Variants in SNX6 observed in about 807,000 individuals in gnomAD.
The protein encoded by SNX6 is sorting nexin 6, also known as sorting nexin-6.
A neutral mutation model predicts 63.0 loss-of-function variants in SNX6; 34 were observed. That is an observed-to-expected ratio of 0.54 (90% CI 0.41 to 0.72). The LOEUF is 0.72. SNX6 is among the 30% of genes least tolerant of loss of function. The probability of loss-of-function intolerance (pLI) is 0.00; values close to 1 mark genes in which losing one functional copy is unlikely to be tolerated. For synonymous variants in SNX6, 170 were observed against 164.2 expected (o/e 1.04, Z -0.27); for missense variants, 398 against 471.4 (o/e 0.84, Z 1.44).
chr14:34,605,339 T>C, intron 5 of SNX6: 3 of 241,836 alleles, frequency 1.2e-5, no homozygotes, highest in Non-Finnish European at 7.9e-6. Flanking sequence ...AGCTTTTGGA[T>C]CTTCCATTTT....
At chr14:34,587,851 C>T (rs1409876771) in intron 8 of SNX6, among the ~76,000 whole-genome samples, 1 of 148,596 alleles carries the variant, frequency 6.7e-6, no homozygotes, top group Non-Finnish European at 1.5e-5. Context: ...GACTCTGCCA[C>T]CCAGGCTGGA....
chr14:34,586,172 AT>A, intron 9 of SNX6, 57 bp downstream of exon 9: 1 of 988,110 alleles, frequency 1.0e-6, no homozygotes, highest in Non-Finnish European at 1.5e-6. Context: ...AAGTGCTGGG[AT>A]TACAGGCGTG....
At chr14:34,604,021 C>T in intron 5 of SNX6, 1 of 787,310 alleles carries the variant, frequency 1.3e-6, no homozygotes, top group Non-Finnish European at 1.6e-6. Context: ...CAGTGAATCC[C>T]AGAGACCACA....
At chr14:34,614,452 A>G (rs1261665812) in intron 2 of SNX6, among the ~76,000 whole-genome samples, 1 of 151,896 alleles carries the variant, frequency 6.6e-6, no homozygotes, top group East Asian at 1.9e-4. Flanking sequence ...AAAAAAACCA[A>G]AAAACTCCAA....
intron 2 of SNX6, among the ~76,000 whole-genome samples, chr14:34,611,673 T>C (rs1883233619): frequency 6.7e-6 from 1 of 148,578 alleles, no homozygotes. Flanking sequence ...TCCCAGCTAC[T>C]TGGGAGGCGG....
chr14:34,598,839 G>C (rs560242691), intron 6 of SNX6, among the ~76,000 whole-genome samples: 11 of 152,238 alleles, frequency 7.2e-5, no homozygotes, highest in African/African-American at 2.6e-4. Flanking sequence ...TGCTACAACT[G>C]CACCTGTGAA....
rs1037764907 is a variant in SNX6, at chr14:34,621,951, C to CTTTTTTTTTT, written c.54+7946_54+7955dup. On this transcript the variant is annotated intron_variant, in intron 2 of 13. Coordinates refer to ENST00000362031, the MANE Select transcript of SNX6 (RefSeq NM_152233.4). The stretch of plus-strand genomic sequence containing the variant: ...GTTTTTTCACCTGGGCATGTCTTTC[C>CTTTTTTTTTT]TTTTTTTTTTTTTTTTTTTTTTTTG... Among the ~76,000 whole-genome samples, 64 of 77,412 alleles carry CTTTTTTTTTT rather than the reference C, an allele frequency of 8.3e-4. 3 individuals are homozygous for CTTTTTTTTTT. Among genetic ancestry groups the CTTTTTTTTTT allele is most frequent in the East Asian group, 1.5e-3 (4 of 2,758 alleles). The allele number at this position is 77,412 out of a possible 152,430, so 50.8% of individuals were successfully genotyped here.
At chr14:34,618,012 C>A (rs7161203) in intron 2 of SNX6, among the ~76,000 whole-genome samples, 113,581 of 152,062 alleles carry the variant, frequency 0.75, 43,749 homozygotes, top group African/African-American at 0.93. Context: ...ATCCCTAAGA[C>A]GTCAGTTGTT....
intron 7 of SNX6, among the ~76,000 whole-genome samples, chr14:34,596,890 G>A (rs1276768779): frequency 1.3e-5 from 2 of 151,882 alleles, no homozygotes; most frequent in South Asian, 2.1e-4. Context: ...GGTTGGTCTC[G>A]AAAACTCCTG....
chr14:34,624,660 G>T (rs182813110), intron 2 of SNX6, among the ~76,000 whole-genome samples: 355 of 151,852 alleles, frequency 2.3e-3, no homozygotes, highest in African/African-American at 6.5e-3. Flanking sequence ...GCTGGGCGTG[G>T]TGGCGTGCAC....
rs568273504 is a variant in SNX6, at chr14:34,568,823, G to A, written c.922-810C>T. On this transcript the variant is annotated intron_variant, in intron 11 of 13. Coordinates refer to ENST00000362031, the MANE Select transcript of SNX6 (RefSeq NM_152233.4). ...AGCCCCTCCAGGGCTTGGAGGACCC[G>A]GTGGGCCACATTCTTGGAGCCTCGG... The A allele has an allele frequency of 3.6e-4, 368 of 1,032,852 alleles. No individual in the cohort carries two copies. The African/African-American group carries it at 5.1e-3, about 14-fold the overall frequency. The allele number at this position is 1,032,852 out of a possible 1,614,324, so 64.0% of individuals were successfully genotyped here.
At chr14:34,595,297 C>G (rs1882555533) in intron 7 of SNX6, among the ~76,000 whole-genome samples, 1 of 151,980 alleles carries the variant, frequency 6.6e-6, no homozygotes, top group African/African-American at 2.4e-5. Context: ...GCCACCATGC[C>G]TGGCTAATTT....
intron 11 of SNX6, among the ~76,000 whole-genome samples, chr14:34,571,116 G>A (rs1881432888): frequency 1.3e-5 from 2 of 151,652 alleles, no homozygotes; most frequent in Non-Finnish European, 2.9e-5. Context: ...GCACTAAGAA[G>A]AAATGAGCTA....
chr14:34,603,292 A>C, intron 6 of SNX6, 56 bp downstream of exon 6: 2 of 1,540,486 alleles, frequency 1.3e-6, no homozygotes, highest in Non-Finnish European at 8.7e-7. Context: ...TCTCAAAAAA[A>C]AAAAGAAGAA....
At chr14:34,595,262 C>T (rs1001524944) in intron 7 of SNX6, among the ~76,000 whole-genome samples, 1 of 152,058 alleles carries the variant, frequency 6.6e-6, no homozygotes, top group African/African-American at 2.4e-5. Context: ...AAAAGCCTCC[C>T]GAGTAGCTGG....
chr14:34,572,332 G>C (rs924371135), intron 11 of SNX6, among the ~76,000 whole-genome samples: 3 of 152,118 alleles, frequency 2.0e-5, no homozygotes, highest in Admixed American at 2.0e-4. Flanking sequence ...GCCGAGGCGG[G>C]TGGATAACTT....
intron 13 of SNX6, among the ~76,000 whole-genome samples, chr14:34,567,411 C>T (rs1403296152): frequency 6.6e-6 from 1 of 152,006 alleles, no homozygotes; most frequent in Non-Finnish European, 1.5e-5. Flanking sequence ...CGCTTGAACC[C>T]GGGAAGCAGA....
At chr14:34,565,776 G>A (rs1490510831) in intron 13 of SNX6, among the ~76,000 whole-genome samples, 9 of 151,574 alleles carry the variant, frequency 5.9e-5, no homozygotes, top group Admixed American at 6.6e-5. Context: ...TGCAAGCTCC[G>A]CCTCCCGGGT....
chr14:34,564,377 T>C (rs986215574), intron 13 of SNX6, among the ~76,000 whole-genome samples: 3 of 152,154 alleles, frequency 2.0e-5, no homozygotes, highest in Non-Finnish European at 4.4e-5. Context: ...GTACTGGTAG[T>C]AACCATAGAA....
Sources: allele counts gnomAD v4.1 joint callset (sites outside exome capture counted in the v4.1 genomes callset), GRCh38; gene constraint gnomAD v4.1.1; transcripts MANE v1.5; gene names NCBI Gene and HGNC (gene_info 2026-07-23, HGNC 2026-07-21).